OSBPL2: variants seen among roughly 807,000 people sequenced by gnomAD.
OSBPL2 encodes the protein oxysterol binding protein like 2.
Under a neutral mutation model 58.4 loss-of-function variants are expected in OSBPL2, and 18 were observed. The ratio of observed to expected loss-of-function variants is 0.31; its 90% CI spans 0.21 to 0.46. The LOEUF is 0.46. Among genes scored for constraint, OSBPL2 ranks in the 20% least tolerant of loss-of-function variants. The pLI is 1.00. For missense variants in OSBPL2, 461 were observed against 616.5 expected, an observed-to-expected ratio of 0.75 and a Z score of 2.67; for synonymous variants, 221 against 234.1, an observed-to-expected ratio of 0.94 and a Z score of 0.51.
intron 4 of OSBPL2, among the ~76,000 whole-genome samples, chr20:62,267,169 T>G (rs1240879048): frequency 6.6e-6 from 1 of 152,106 alleles, no homozygotes; most frequent in Non-Finnish European, 1.5e-5. Flanking sequence ...CACTTGAGCC[T>G]GGGAGGTTGA....
rs1048011071 is a variant in OSBPL2, at chr20:62,288,945, T to C, written c.1126-262T>C. On this transcript the variant is annotated intron_variant, in intron 11 of 13. Coordinates refer to ENST00000313733, the MANE Select transcript of OSBPL2 (RefSeq NM_144498.4). The surrounding 1 kb of genome is among the most constrained non-coding windows in gnomAD (Gnocchi z 4.8). Reference sequence around the variant, plus strand: ...GCTGGTGACAAATCTGTTGATGAGATTGTAAAGACAGAAAAAGAAATGTGT... The same window carrying C: ...GCTGGTGACAAATCTGTTGATGAGACTGTAAAGACAGAAAAAGAAATGTGT... Among the ~76,000 whole-genome samples, 3 of 152,098 alleles carry C rather than the reference T, an allele frequency of 2.0e-5. No individual in the cohort carries two copies. The highest frequency in any genetic ancestry group is 4.4e-5 in the Non-Finnish European group (3 of 68,008).
At chr20:62,283,991 G>C in intron 9 of OSBPL2, 55 bp from the exon 10 acceptor site, 1 of 1,557,012 alleles carries the variant, frequency 6.4e-7, no homozygotes, top group South Asian at 1.2e-5. Flanking sequence ...CACATGTTTA[G>C]ACAAATGGTT....
chr20:62,289,666 G>A (rs991244448), intron 12 of OSBPL2, among the ~76,000 whole-genome samples: 3 of 152,250 alleles, frequency 2.0e-5, no homozygotes, highest in African/African-American at 7.2e-5. Flanking sequence ...CACTTTGGGA[G>A]GCTGAGGCAG....
At chr20:62,258,589 A>G (rs1398995135) in intron 2 of OSBPL2, among the ~76,000 whole-genome samples, 3 of 152,176 alleles carry the variant, frequency 2.0e-5, no homozygotes, top group Non-Finnish European at 4.4e-5. Context: ...TTTCTACAAT[A>G]AATGCATGTG....
chr20:62,286,433 G>A, intron 10 of OSBPL2, 150 bp from the exon 11 acceptor site: 1 of 821,476 alleles, frequency 1.2e-6, no homozygotes, highest in Non-Finnish European at 1.9e-6. Context: ...CTGGGCAACA[G>A]AGCGAGACTC....
rs539002820 is a variant in OSBPL2, at chr20:62,247,132, G to A, written c.-129+8535G>A. Among the ~76,000 whole-genome samples the A allele has an allele frequency of 5.3e-5, 8 of 152,348 alleles. No homozygotes were observed. In the East Asian group the frequency reaches 9.6e-4, roughly 18 times the overall value. ...TGCTCTGCACTGTGGTTGGGCTCAC[G>A]TGTTAGCCTTGACCTTGAGCGGATG... On this transcript the variant is annotated intron_variant, in intron 1 of 13. Transcript: ENST00000313733.
chr20:62,276,390 G>A (rs1229058976), intron 6 of OSBPL2, among the ~76,000 whole-genome samples: 1 of 152,236 alleles, frequency 6.6e-6, no homozygotes, highest in Non-Finnish European at 1.5e-5. Flanking sequence ...AGTAGTACAA[G>A]CTTTCCTGCA....
intron 9 of OSBPL2, chr20:62,282,156 T>G (rs1982837073): frequency 3.7e-6 from 1 of 269,374 alleles, no homozygotes; most frequent in Non-Finnish European, 7.3e-6. Context: ...AGAAGTCAGC[T>G]ATTTCCACTG....
intron 6 of OSBPL2, chr20:62,278,813 T>C (rs540139291): frequency 2.7e-5 from 7 of 263,136 alleles, no homozygotes; most frequent in Admixed American, 5.5e-5. Context: ...CCGAGTGCGA[T>C]ATCGTGTTTG....
At chr20:62,241,008 T>C (rs1343213244) in intron 1 of OSBPL2, among the ~76,000 whole-genome samples, 1 of 152,164 alleles carries the variant, frequency 6.6e-6, no homozygotes, top group East Asian at 1.9e-4. Flanking sequence ...AGTACACACG[T>C]AGGACATTTT....
intron 3 of OSBPL2, among the ~76,000 whole-genome samples, chr20:62,261,043 C>T (rs907420791): frequency 2.7e-4 from 41 of 152,070 alleles, no homozygotes; most frequent in African/African-American, 8.9e-4. Context: ...ACGAGCCAGG[C>T]GCAGTGGCTC....
At chr20:62,243,824 T>G (rs961164353) in intron 1 of OSBPL2, among the ~76,000 whole-genome samples, 2 of 147,870 alleles carry the variant, frequency 1.4e-5, no homozygotes, top group African/African-American at 2.5e-5. Flanking sequence ...AACGAAAAAT[T>G]TTTTTTCCTG....
chr20:62,244,576 A>T lies in OSBPL2; in HGVS notation c.-129+5979A>T, dbSNP rs1393043942. Among the ~76,000 whole-genome samples, 5 of 152,262 alleles carry T rather than the reference A, an allele frequency of 3.3e-5. No individual in the cohort carries two copies. The East Asian group carries it at 9.6e-4, about 29-fold the overall frequency. ...GGTTGATTAAAACACATGTTTTTGTACGGAAGCGCTTGCATTCATCTTGTG... is the reference window on the plus strand; with the variant it reads ...GGTTGATTAAAACACATGTTTTTGTTCGGAAGCGCTTGCATTCATCTTGTG... On this transcript the variant is annotated intron_variant, in intron 1 of 13. Coordinates refer to ENST00000313733, the MANE Select transcript of OSBPL2 (RefSeq NM_144498.4).
chr20:62,271,371 A>C (rs1036722601), intron 4 of OSBPL2, among the ~76,000 whole-genome samples: 1 of 152,192 alleles, frequency 6.6e-6, no homozygotes. Flanking sequence ...TGCCAGGTTC[A>C]GGTGTGTCCG....
chr20:62,273,973 TC>T (rs1982231140), intron 6 of OSBPL2, among the ~76,000 whole-genome samples: 1 of 152,136 alleles, frequency 6.6e-6, no homozygotes, highest in South Asian at 2.1e-4. Context: ...TGAAACTTCT[TC>T]CTATGGAACT....
chr20:62,287,601 C>G (rs762328753), intron 11 of OSBPL2, among the ~76,000 whole-genome samples: 1 of 152,118 alleles, frequency 6.6e-6, no homozygotes, highest in South Asian at 2.1e-4. Flanking sequence ...GGACCACAGG[C>G]GTGTGCCACC....
chr20:62,245,666 A>C (rs1980055715), intron 1 of OSBPL2, among the ~76,000 whole-genome samples: 1 of 152,182 alleles, frequency 6.6e-6, no homozygotes, highest in South Asian at 2.1e-4. Flanking sequence ...ATTCCATCCC[A>C]TTGCCACCAA....
At chr20:62,257,271 G>A (rs963717562) in intron 2 of OSBPL2, among the ~76,000 whole-genome samples, 6 of 152,164 alleles carry the variant, frequency 3.9e-5, no homozygotes, top group African/African-American at 1.4e-4. Context: ...CCTCCGGTCC[G>A]TGGCCCTGCT....
At chr20:62,245,538 C>T (rs1297996798) in intron 1 of OSBPL2, among the ~76,000 whole-genome samples, 1 of 152,210 alleles carries the variant, frequency 6.6e-6, no homozygotes, top group Non-Finnish European at 1.5e-5. Context: ...AAAGCGCAGA[C>T]CTAGAGCCAG....
Sources: allele counts gnomAD v4.1 joint callset (sites outside exome capture counted in the v4.1 genomes callset), GRCh38; gene constraint gnomAD v4.1.1; non-coding constraint Gnocchi (gnomAD v3.1); transcripts MANE v1.5; gene names NCBI Gene and HGNC (gene_info 2026-07-23, HGNC 2026-07-21).